CHRNB1: variants seen among roughly 807,000 people sequenced by gnomAD.
CHRNB1 encodes the protein acetylcholine receptor subunit beta.
In CHRNB1, 47 loss-of-function variants were observed where a neutral mutation model predicts 53.8. That is an observed-to-expected ratio of 0.87 (90% confidence interval 0.69 to 1.11). The LOEUF is 1.11. CHRNB1 is among the 50% of genes most tolerant of loss of function. The probability of loss-of-function intolerance (pLI) is 0.00; values close to 1 mark genes in which losing one functional copy is unlikely to be tolerated. For missense variants in CHRNB1, 605 were observed against 654.9 expected (o/e 0.92, Z 0.83); for synonymous variants, 259 against 263.5 (o/e 0.98, Z 0.16).
At chr17:7,448,880 A>C in intron 7 of CHRNB1, 92 bp downstream of exon 7, 3 of 1,362,822 alleles carry the variant, frequency 2.2e-6, no homozygotes, top group Non-Finnish European at 2.1e-6. Context: ...TGCCAATCCA[A>C]AGCATCATAG....
At chr17:7,456,503 G>C in intron 10 of CHRNB1, 80 bp from the exon 11 acceptor site, 1 of 1,588,292 alleles carries the variant, frequency 6.3e-7, no homozygotes, top group Non-Finnish European at 8.6e-7. Flanking sequence ...GGACTCAAGC[G>C]GGTAGCGGGC....
Position 7,445,461 on chromosome 17 carries a change from G to A in CHRNB1, c.198+52G>A, listed in dbSNP as rs775653059. On this transcript the variant is annotated intron_variant, in intron 2 of 10. Transcript: ENST00000306071. The surrounding 1 kb of genome is among the most constrained non-coding windows in gnomAD (Gnocchi z 5.7). ...AGGCCAGCCGACCGGCCGGGGGCGT[G>A]GCTTTAGGCAAGGCCGGACCAGGGA... 17 of 1,596,246 alleles carry A rather than the reference G, an allele frequency of 1.1e-5. No homozygotes were observed. The African/African-American group carries it at 1.7e-4, about 16-fold the overall frequency.
chr17:7,454,594 A>G, intron 8 of CHRNB1, 74 bp downstream of exon 8: 3 of 1,188,510 alleles, frequency 2.5e-6, no homozygotes, highest in Non-Finnish European at 3.8e-6. Flanking sequence ...TATGTGGCAG[A>G]GTGTTGAAGT....
chr17:7,451,278 T>TCTTTTC (rs202119993), intron 7 of CHRNB1, among the ~76,000 whole-genome samples: 2 of 136,744 alleles, frequency 1.5e-5, no homozygotes, highest in Non-Finnish European at 3.2e-5. Flanking sequence ...TCTTTTCTTT[T>TCTTTTC]TTTTTTTTTT....
chr17:7,445,165 TG>T lies in CHRNB1; in HGVS notation c.43del (p.Ala15ArgfsTer52), dbSNP rs1908544190. ...GCTCTGCTGATGCTGCTGGGGGCGC[TG>T]GGGGCGCCGCTCGCCCCAGGTAAGT... ...PGALLMLLGA[L>X]GAPLAPGVRG... On this transcript the variant is annotated frameshift_variant, in exon 1 of 11. Coordinates refer to ENST00000306071, the MANE Select transcript of CHRNB1 (RefSeq NM_000747.3). LOFTEE classifies it high-confidence loss of function. The surrounding 1 kb of genome is among the most constrained non-coding windows in gnomAD (Gnocchi z 5.7). 6.2e-7 allele frequency: 1 copy of T among 1,609,348 alleles called. No homozygotes were observed.
In CHRNB1 at chr17:7,452,517, G is replaced by A. The variant is rs149485955; in HGVS notation, c.821-1780G>A. On this transcript the variant is annotated intron_variant, in intron 7 of 10. Transcript: ENST00000306071. ...GGTGGTGATGTAGGAGGTGGGACTCGACTCCAGACCAAATTGAGGACCAGC... is the reference window on the plus strand; with the variant it reads ...GGTGGTGATGTAGGAGGTGGGACTCAACTCCAGACCAAATTGAGGACCAGC... Among the ~76,000 whole-genome samples the A allele has an allele frequency of 4.2e-3, 647 of 152,242 alleles. 3 individuals carry two copies. The highest frequency in any genetic ancestry group is 7.3e-3 in the Non-Finnish European group (495 of 68,016).
chr17:7,448,664 C>T lies in CHRNB1; in HGVS notation c.696C>T (p.Arg232=). The T allele has an allele frequency of 6.2e-7, 1 of 1,614,182 alleles. No individual in the cohort carries two copies. Among genetic ancestry groups the T allele is most frequent in the Non-Finnish European group, 8.5e-7 (1 of 1,180,026 alleles). The change falls in exon 7 of 11, where the codon CGC becomes CGT. Residue 232 remains arginine (R), a synonymous_variant. Transcript: ENST00000306071. The part of the protein sequence containing the change: ...GDPRGGREGQ[R]QEVIFYLIIR... Reference sequence around the variant, plus strand: ...CTAGGGGAGGGAGGGAAGGACAGCGCCAGGAAGTCATCTTCTACCTCATCA... The same window carrying T: ...CTAGGGGAGGGAGGGAAGGACAGCGTCAGGAAGTCATCTTCTACCTCATCA...
intron 7 of CHRNB1, among the ~76,000 whole-genome samples, chr17:7,453,984 C>T (rs1252098522): frequency 3.3e-5 from 5 of 152,136 alleles, no homozygotes; most frequent in African/African-American, 1.2e-4. Context: ...CCACTTGAGC[C>T]TGGGAAGTGG....
At position 7,445,167 on chromosome 17, in the gene CHRNB1, G is replaced by A. The variant is rs778455935; in HGVS notation, c.40G>A (p.Gly14Arg). The change falls in exon 1 of 11, where the codon GGG (glycine) becomes AGG (arginine). Residue 14 changes from glycine (G) to arginine (R), a missense_variant. Gly to Arg is a moderately radical substitution (Grantham distance 125). Coordinates refer to ENST00000306071, the MANE Select transcript of CHRNB1 (RefSeq NM_000747.3). The surrounding 1 kb of genome is among the most constrained non-coding windows in gnomAD (Gnocchi z 5.7). ...TCTGCTGATGCTGCTGGGGGCGCTG[G>A]GGGCGCCGCTCGCCCCAGGTAAGTG... ...GALLMLLGAL[G>R]APLAPGVRGS... The A allele has an allele frequency of 6.2e-7, 1 of 1,609,460 alleles. No homozygotes were observed. The highest frequency in any genetic ancestry group is 8.5e-7 in the Non-Finnish European group (1 of 1,179,302).
chr17:7,447,157 C>T lies in CHRNB1; in HGVS notation c.462+6C>T, dbSNP rs780337044. The T allele has an allele frequency of 9.3e-6, 15 of 1,611,912 alleles. No homozygotes were observed. The African/African-American group carries it at 9.3e-5, about 10-fold the overall frequency. On this transcript the variant is annotated splice_donor_region_variant and intron_variant, in intron 5 of 10. Transcript: ENST00000306071. Reference sequence around the variant, plus strand: ...GCAGCAGCTGCAGCATCCAGGTTTCCGGCCTCCACATTGGAAGCTGAAGGA... The same window carrying T: ...GCAGCAGCTGCAGCATCCAGGTTTCTGGCCTCCACATTGGAAGCTGAAGGA...
In CHRNB1 at chr17:7,448,701, C is replaced by G. The variant is rs773750954; in HGVS notation, c.733C>G (p.Pro245Ala). The change falls in exon 7 of 11, where the codon CCT becomes GCT. Residue 245 changes from proline to alanine, a missense_variant. Transcript: ENST00000306071. ...VIFYLIIRRK[P>A]LFYLVNVIAP... Reference sequence around the variant, plus strand: ...CTTCTACCTCATCATCCGCCGCAAGCCTCTCTTCTACCTGGTCAACGTCAT... The same window carrying G: ...CTTCTACCTCATCATCCGCCGCAAGGCTCTCTTCTACCTGGTCAACGTCAT... 6.2e-7 allele frequency: 1 copy of G among 1,614,218 alleles called. No individual in the cohort carries two copies. The highest frequency in any genetic ancestry group is 1.7e-5 in the Admixed American group (1 of 60,022).
chr17:7,454,951 C>T (rs531778455), intron 8 of CHRNB1, among the ~76,000 whole-genome samples: 1 of 151,954 alleles, frequency 6.6e-6, no homozygotes, highest in African/African-American at 2.4e-5. Context: ...TACAGGCACC[C>T]GCCACCACGC....
At chr17:7,450,460 T>A (rs770040247) in intron 7 of CHRNB1, among the ~76,000 whole-genome samples, 1 of 152,190 alleles carries the variant, frequency 6.6e-6, no homozygotes, top group Non-Finnish European at 1.5e-5. Context: ...TTAATCCCTA[T>A]GTGTCTCAGT....
Position 7,447,593 on chromosome 17 carries a change from C to A in CHRNB1, c.553C>A (p.Leu185Met), listed in dbSNP as rs763118770. The A allele has an allele frequency of 1.2e-6, 2 of 1,614,224 alleles. No homozygotes were observed. The highest frequency in any genetic ancestry group is 1.7e-5 in the Admixed American group (1 of 60,016). The change falls in exon 6 of 11, where the codon CTG (leucine) becomes ATG (methionine). Residue 185 changes from leucine (L) to methionine (M), a missense_variant. By Grantham distance (15) the Leu-to-Met change is conservative. Transcript: ENST00000306071. ...DSSEVSLQTG[L>M]GPDGQGHQEI... ...CTCGGAGGTCAGCCTGCAGACAGGC[C>A]TGGGTCCTGACGGGCAAGGGCATCA... is the stretch of plus-strand genomic sequence containing the variant.
chr17:7,455,393 G>A lies in CHRNB1; in HGVS notation c.1154G>A (p.Arg385Gln), dbSNP rs1222134398. The change falls in exon 9 of 11, where the codon CGG (arginine) becomes CAG (glutamine). Residue 385 changes from arginine to glutamine, a missense_variant. By Grantham distance (43) the Arg-to-Gln change is conservative (BLOSUM62 1). Coordinates refer to ENST00000306071, the MANE Select transcript of CHRNB1 (RefSeq NM_000747.3). ...HCSSPGSGWG[R>Q]GTDEYFIRKP... ...TCTTCTCCAGGAAGTGGCTGGGGTCGGGGAACAGATGAATATTTCATCCGG... is the reference window on the plus strand; with the variant it reads ...TCTTCTCCAGGAAGTGGCTGGGGTCAGGGAACAGATGAATATTTCATCCGG... 2 of 1,614,110 alleles carry A rather than the reference G, an allele frequency of 1.2e-6. No homozygotes were observed. Among genetic ancestry groups the A allele is most frequent in the Non-Finnish European group, 1.7e-6 (2 of 1,180,034 alleles).
chr17:7,450,601 G>A (rs991000782), intron 7 of CHRNB1, among the ~76,000 whole-genome samples: 1 of 152,088 alleles, frequency 6.6e-6, no homozygotes, highest in Non-Finnish European at 1.5e-5. Context: ...GTTGTTTTTT[G>A]TTTTTCTTTT....
chr17:7,453,595 T>A (rs947636593), intron 7 of CHRNB1, among the ~76,000 whole-genome samples: 2 of 148,974 alleles, frequency 1.3e-5, no homozygotes, highest in Non-Finnish European at 3.0e-5. Context: ...TTTTTTTTTT[T>A]TTTTTTTTTT....
chr17:7,455,658 C>T, intron 9 of CHRNB1, 136 bp from the exon 10 acceptor site: 1 of 1,321,918 alleles, frequency 7.6e-7, no homozygotes, highest in Admixed American at 1.7e-5. Flanking sequence ...CTAGAGAGAT[C>T]ACTGCTGGAG....
In CHRNB1 at chr17:7,446,282, C is replaced by T. The variant is rs373896475; in HGVS notation, c.243+169C>T. The T allele has an allele frequency of 4.8e-4, 317 of 657,258 alleles. No homozygotes were observed. The African/African-American group carries it at 4.9e-3, about 10-fold the overall frequency. The allele number at this position is 657,258 out of a possible 1,614,324, so 40.7% of individuals were successfully genotyped here. A position where few individuals can be genotyped will look rare whatever the true frequency, so the allele number is the denominator to read the frequency against. On this transcript the variant is annotated intron_variant, in intron 3 of 10. Transcript: ENST00000306071. ...TAACTTTACTACAGGAGTTACACCC[C>T]ATGCATTTTTAATTCCAATTTTGTG... is the stretch of plus-strand genomic sequence containing the variant.
Sources: gnomAD v4.1 joint callset for allele counts (sites outside exome capture counted in the v4.1 genomes callset) on GRCh38, gnomAD v4.1.1 for gene constraint, Gnocchi (gnomAD v3.1) non-coding constraint, MANE v1.5 for transcripts, NCBI Gene and HGNC (gene_info 2026-07-23, HGNC 2026-07-21) for gene names.